Variants in PSPH observed in about 807,000 individuals in gnomAD.
PSPH encodes the protein L-3-phosphoserine phosphatase.
In PSPH, 16 loss-of-function variants were observed where a neutral mutation model predicts 23.4. That is an observed-to-expected ratio of 0.68 (90% CI 0.46 to 1.04). The LOEUF (loss-of-function observed/expected upper bound fraction) is 1.04, where lower values mean the gene tolerates loss of function less well. Ranked by LOEUF, PSPH falls within the 50% of genes least tolerant of loss-of-function variation. PSPH has a pLI of 0.00. For synonymous variants in PSPH, 68 were observed against 99.7 expected (o/e 0.68, Z 1.89); for missense variants, 223 against 273.7 (o/e 0.81, Z 1.31).
intron 1 of PSPH, among the ~76,000 whole-genome samples, chr7:56,050,416 C>A (rs1167173180): frequency 6.6e-6 from 1 of 152,184 alleles, no homozygotes; most frequent in South Asian, 2.1e-4. Flanking sequence ...CAGACGTGCA[C>A]CACCACGCCT....
At chr7:56,045,823 G>A (rs1239126840) in intron 1 of PSPH, among the ~76,000 whole-genome samples, 1 of 149,370 alleles carries the variant, frequency 6.7e-6, no homozygotes. Flanking sequence ...GGAAGCAGAA[G>A]CTGCAATGAG....
rs577300013 is a variant in PSPH at position 56,031,193 on chromosome 7, G to A, written c.-20+736C>T. On this transcript the variant is annotated intron_variant, in intron 3 of 7. Transcript: ENST00000275605. ...GCCACTGCAGTCCGCAGTCTGGCCT[G>A]GGCGACAGAGCGAGACTCCGTCTCA... Among the ~76,000 whole-genome samples, 13 of 151,372 alleles carry A rather than the reference G, an allele frequency of 8.6e-5. No homozygotes were observed. The South Asian group carries it at 2.7e-3, about 32-fold the overall frequency.
Position 56,027,609 on chromosome 7 carries a change from C to T in PSPH, c.-20+4320G>A, listed in dbSNP as rs1482477834. Among the ~76,000 whole-genome samples, 7 of 149,968 alleles carry T rather than the reference C, an allele frequency of 4.7e-5. No individual in the cohort carries two copies. In the East Asian group the frequency reaches 9.9e-4, roughly 21 times the overall value. ...TGCTGAGGCAGGAGAATTGCTTGAA[C>T]GCGGGAGGTGGAGTTTGCAGTGAGC... On this transcript the variant is annotated intron_variant, in intron 3 of 7. Transcript: ENST00000275605.
Position 56,022,591 on chromosome 7 carries a change from A to C in PSPH, c.-19-1360T>G, listed in dbSNP as rs1031197261. Among the ~76,000 whole-genome samples, 3 of 152,286 alleles carry C rather than the reference A, an allele frequency of 2.0e-5. No individual in the cohort carries two copies. In the South Asian group the frequency reaches 6.2e-4, roughly 32 times the overall value. ...GCTTGGCCCAGGGGCCTGGCTGTGCATCAGGAATTCACACTAAGCAGGTCC... is the reference window on the plus strand; with the variant it reads ...GCTTGGCCCAGGGGCCTGGCTGTGCCTCAGGAATTCACACTAAGCAGGTCC... On this transcript the variant is annotated intron_variant, in intron 3 of 7. Coordinates refer to ENST00000275605, the MANE Select transcript of PSPH (RefSeq NM_004577.4).
At chr7:56,017,652 C>G (rs558334500) in intron 5 of PSPH, among the ~76,000 whole-genome samples, 1 of 149,390 alleles carries the variant, frequency 6.7e-6, no homozygotes, top group Non-Finnish European at 1.5e-5. Context: ...AGGGTTCCAG[C>G]GATTCTCCTC....
intron 1 of PSPH, among the ~76,000 whole-genome samples, chr7:56,038,253 A>C (rs1389179133): frequency 4.1e-5 from 6 of 147,774 alleles, no homozygotes; most frequent in African/African-American, 7.5e-5. Context: ...CCTGGCTAAC[A>C]CGGTGAAACC....
At chr7:56,037,173 CAAAA>C (rs35759842) in intron 1 of PSPH, among the ~76,000 whole-genome samples, 2 of 83,222 alleles carry the variant, frequency 2.4e-5, no homozygotes, top group African/African-American at 4.8e-5. Context: ...GACTCTGTCT[CAAAA>C]AAAAAAAAAA....
At chr7:56,014,991 C>A in intron 7 of PSPH, 32 bp downstream of exon 7, 1 of 1,574,286 alleles carries the variant, frequency 6.4e-7, no homozygotes, top group Admixed American at 1.8e-5. Flanking sequence ...AAAAGTACAA[C>A]CTGAAAAAAA....
At chr7:56,016,189 A>G (rs952843330) in intron 6 of PSPH, among the ~76,000 whole-genome samples, 21 of 151,586 alleles carry the variant, frequency 1.4e-4, no homozygotes, top group African/African-American at 4.8e-4. Context: ...ATCTCAGGCC[A>G]GGAGTTTGAG....
chr7:56,038,497 T>C (rs546948881), intron 1 of PSPH, among the ~76,000 whole-genome samples: 1 of 151,318 alleles, frequency 6.6e-6, no homozygotes, highest in East Asian at 2.0e-4. Flanking sequence ...ACGTGCAATT[T>C]CTATGACCCA....
At chr7:56,045,072 C>CAAAAAAAAAAAAAAAAAAAAAAA (rs35552809) in intron 1 of PSPH, among the ~76,000 whole-genome samples, 1 of 117,360 alleles carries the variant, frequency 8.5e-6, no homozygotes. Flanking sequence ...AACTCTGCCT[C>CAAAAAAAAAAAAAAAAAAAAAAA]AAAAAAAAAA....
At chr7:56,029,708 G>C (rs201834360) in intron 3 of PSPH, among the ~76,000 whole-genome samples, 1 of 151,986 alleles carries the variant, frequency 6.6e-6, no homozygotes, top group Non-Finnish European at 1.5e-5. Flanking sequence ...ACCTTGTTAG[G>C]ACTGACCTCT....
chr7:56,040,566 C>T (rs1297153022), intron 1 of PSPH, among the ~76,000 whole-genome samples: 4 of 151,676 alleles, frequency 2.6e-5, no homozygotes, highest in Non-Finnish European at 4.4e-5. Context: ...TATTACAAAG[C>T]GATATGATTA....
chr7:56,019,953 T>C (rs1789115364), intron 4 of PSPH: 1 of 648,312 alleles, frequency 1.5e-6, no homozygotes. Context: ...CAGTGACTCA[T>C]GCCCATAATC....
At chr7:56,032,298 T>G (rs1791098351) in intron 2 of PSPH, among the ~76,000 whole-genome samples, 1 of 152,096 alleles carries the variant, frequency 6.6e-6, no homozygotes, top group Admixed American at 6.6e-5. Context: ...CATGTACACC[T>G]GATTAGCAGG....
chr7:56,029,857 A>G (rs2116876595), intron 3 of PSPH, among the ~76,000 whole-genome samples: 1 of 152,072 alleles, frequency 6.6e-6, no homozygotes, highest in Non-Finnish European at 1.5e-5. Flanking sequence ...AGTACAAAGT[A>G]TAGCCGGGCG....
intron 1 of PSPH, among the ~76,000 whole-genome samples, chr7:56,035,621 C>T (rs558278173): frequency 6.6e-6 from 1 of 151,946 alleles, no homozygotes; most frequent in South Asian, 2.1e-4. Context: ...CACCAAAACA[C>T]AATTTTTTTT....
intron 1 of PSPH, among the ~76,000 whole-genome samples, chr7:56,042,606 G>A (rs1792691349): frequency 6.7e-6 from 1 of 150,194 alleles, no homozygotes; most frequent in African/African-American, 2.5e-5. Context: ...AGACATGTTC[G>A]TGCCACTGCA....
intron 3 of PSPH, among the ~76,000 whole-genome samples, chr7:56,028,528 G>A (rs1790518886): frequency 6.6e-6 from 1 of 152,060 alleles, no homozygotes; most frequent in African/African-American, 2.4e-5. Flanking sequence ...CACCATGCTG[G>A]CCAAAATAGA....
Sources: allele counts gnomAD v4.1 joint callset (sites outside exome capture counted in the v4.1 genomes callset), GRCh38; gene constraint gnomAD v4.1.1; transcripts MANE v1.5; gene names NCBI Gene and HGNC (gene_info 2026-07-23, HGNC 2026-07-21).